The following HMCN2 variants were observed in gnomAD, a reference collection of about 807,000 sequenced individuals.
The protein encoded by HMCN2 is hemicentin-2.
Under a neutral mutation model 377.5 loss-of-function variants are expected in HMCN2, and 325 were observed. The observed-to-expected ratio is 0.86, with a 90% confidence interval of 0.79 to 0.94. The LOEUF (loss-of-function observed/expected upper bound fraction) is 0.94, where lower values mean the gene tolerates loss of function less well. Ranked by LOEUF, HMCN2 falls within the 40% of genes least tolerant of loss-of-function variation. The pLI is 0.00. For synonymous variants in HMCN2, 2,007 were observed against 2,046.8 expected (o/e 0.98, Z 0.53); for missense variants, 4,543 against 4,725.3 (o/e 0.96, Z 1.13).
At position 130,398,547 on chromosome 9, in the gene HMCN2, C is replaced by G; in HGVS notation, c.11327-4C>G. 2 of 1,233,582 alleles carry G rather than the reference C, an allele frequency of 1.6e-6. No homozygotes were observed. Among genetic ancestry groups the G allele is most frequent in the South Asian group, 2.7e-5 (2 of 72,958 alleles). 76.4% of individuals were successfully genotyped at this position (1,233,582 alleles called of 1,614,324 possible). ...CTGTCTCCTGACCACTGTGCTCTCC[C>G]CAGAGCCTCCAGCCATCGCCCCCAG... is the stretch of plus-strand genomic sequence containing the variant. On this transcript the variant is annotated splice_polypyrimidine_tract_variant and splice_region_variant and intron_variant, in intron 74 of 97. Coordinates refer to ENST00000683500, the MANE Select transcript of HMCN2 (RefSeq NM_001291815.2).
At position 130,350,577 on chromosome 9, in the gene HMCN2, A is replaced by G. The variant is rs547611598; in HGVS notation, c.4431-846A>G. On this transcript the variant is annotated intron_variant, in intron 29 of 97. Coordinates refer to ENST00000683500, the MANE Select transcript of HMCN2 (RefSeq NM_001291815.2). ...GTCCAAAAAAAAGTCCACGTAACATACAATTAGCCATTTTAAAGTGTACAG... is the reference window on the plus strand; with the variant it reads ...GTCCAAAAAAAAGTCCACGTAACATGCAATTAGCCATTTTAAAGTGTACAG... Among the ~76,000 whole-genome samples the G allele has an allele frequency of 2.0e-5, 3 of 149,972 alleles. No homozygotes were observed. The East Asian group carries it at 6.1e-4, about 30-fold the overall frequency.
intron 43 of HMCN2, 136 bp downstream of exon 43, chr9:130,366,131 G>A: frequency 3.2e-6 from 2 of 626,822 alleles, no homozygotes; most frequent in Non-Finnish European, 4.0e-6. Flanking sequence ...TGGGGATGCT[G>A]GTTACAGAAG....
At chr9:130,403,988 A>G in intron 80 of HMCN2, 113 bp downstream of exon 80, 1 of 1,005,126 alleles carries the variant, frequency 9.9e-7, no homozygotes, top group Non-Finnish European at 1.3e-6. Context: ...TTCTAGAAGG[A>G]ATTAAGGGGA....
rs1230202880 is a variant in HMCN2 at position 130,304,086 on chromosome 9, C to G, written c.1543+478C>G. ...CGTAAGCGTGGAAAGATCAGCCACT[C>G]TACATAGACAGCCAGAAACTACACA... On this transcript the variant is annotated intron_variant, in intron 10 of 97. Transcript: ENST00000683500. This position sits in a 1 kb window ranked among gnomAD's most constrained non-coding sequence, Gnocchi z 4.3. Among the ~76,000 whole-genome samples the G allele has an allele frequency of 6.6e-6, 1 of 152,206 alleles. No homozygotes were observed. Among genetic ancestry groups the G allele is most frequent in the African/African-American group, 2.4e-5 (1 of 41,448 alleles).
At chr9:130,276,370 C>A (rs1554923128) in intron 1 of HMCN2, among the ~76,000 whole-genome samples, 1 of 131,952 alleles carries the variant, frequency 7.6e-6, no homozygotes, top group Non-Finnish European at 1.6e-5. Flanking sequence ...GACGTTGAAG[C>A]TGAGGTGGAG....
intron 78 of HMCN2, 103 bp from the exon 79 acceptor site, chr9:130,403,091 C>G: frequency 2.6e-6 from 3 of 1,146,434 alleles, no homozygotes; most frequent in Non-Finnish European, 3.4e-6. Context: ...CTAGAACCCC[C>G]GTTCTCCTTA....
chr9:130,424,043 C>T (rs1844172933), intron 87 of HMCN2, among the ~76,000 whole-genome samples: 1 of 151,432 alleles, frequency 6.6e-6, no homozygotes, highest in Non-Finnish European at 1.5e-5. Context: ...GCAAGTGGTG[C>T]AGTCACAGCT....
At chr9:130,312,483 T>TTCTC (rs1307022229) in intron 15 of HMCN2, among the ~76,000 whole-genome samples, 77 of 116,896 alleles carry the variant, frequency 6.6e-4, no homozygotes, top group Middle Eastern at 5.4e-3. Flanking sequence ...TTTCCTTTCT[T>TTCTC]TCTCTCTCTC....
rs1844897809 is a variant in HMCN2, at chr9:130,433,531, C to T, written c.15078C>T (p.Arg5026=). 4 of 1,476,656 alleles carry T rather than the reference C, an allele frequency of 2.7e-6. No individual in the cohort carries two copies. The Admixed American group carries it at 7.6e-5, about 28-fold the overall frequency. 91.5% of individuals were successfully genotyped at this position (1,476,656 alleles called of 1,614,324 possible). A position where few individuals can be genotyped will look rare whatever the true frequency, so the allele number is the denominator to read the frequency against. The part of the protein sequence containing the change: ...TELSMLEPDP[R]SPFALRPLRA... Reference sequence around the variant, plus strand: ...TCAGCATGCTGGAGCCCGACCCCCGCAGCCCCTTCGCGCTGCGTCCGCTGC... The same window carrying T: ...TCAGCATGCTGGAGCCCGACCCCCGTAGCCCCTTCGCGCTGCGTCCGCTGC... Residue 5026 remains arginine (R), a synonymous_variant, in exon 98 of 98, where the codon CGC becomes CGT. Coordinates refer to ENST00000683500, the MANE Select transcript of HMCN2 (RefSeq NM_001291815.2).
In HMCN2 at chr9:130,271,335, G is replaced by T. The variant is rs576203255; in HGVS notation, c.259+5198G>T. ...GGGAGCCATGATCCACGTCCTTGGT[G>T]GGGGAGTATCTATCTACATGGATTA... On this transcript the variant is annotated intron_variant, in intron 1 of 97. Coordinates refer to ENST00000683500, the MANE Select transcript of HMCN2 (RefSeq NM_001291815.2). Among the ~76,000 whole-genome samples the T allele has an allele frequency of 1.1e-4, 17 of 149,010 alleles. 1 individual carries two copies. In the South Asian group the frequency reaches 1.7e-3, roughly 15 times the overall value.
In HMCN2 at chr9:130,422,804, C is replaced by T. The variant is rs993619730; in HGVS notation, c.13381+78C>T. On this transcript the variant is annotated intron_variant, in intron 87 of 97. Coordinates refer to ENST00000683500, the MANE Select transcript of HMCN2 (RefSeq NM_001291815.2). This position sits in a 1 kb window ranked among gnomAD's most constrained non-coding sequence, Gnocchi z 4.2. The stretch of plus-strand genomic sequence containing the variant: ...GAGCATCCTCCAGAACATGCTGGAC[C>T]TAGGAGGCGCAGAGCCTGTGCCCCG... The T allele has an allele frequency of 1.7e-5, 20 of 1,151,812 alleles. No homozygotes were observed. The highest frequency in any genetic ancestry group is 2.2e-5 in the Non-Finnish European group (20 of 908,406). 71.3% of individuals were successfully genotyped at this position (1,151,812 alleles called of 1,614,324 possible). A position where few individuals can be genotyped will look rare whatever the true frequency, so the allele number is the denominator to read the frequency against.
Position 130,389,731 on chromosome 9 carries a change from C to T in HMCN2, c.9523+1191C>T, listed in dbSNP as rs148319469. On this transcript the variant is annotated intron_variant, in intron 62 of 97. Transcript: ENST00000683500. ...CTGGGATTACAGGCTCGCACCACCA[C>T]GCCCAGCTAATGTTTGTATTTTTAG... 7.6e-3 allele frequency among the ~76,000 whole-genome samples: 1,149 copies of T among 152,128 alleles called. 15 individuals are homozygous for T. Among genetic ancestry groups the T allele is most frequent in the African/African-American group, 0.026 (1,076 of 41,468 alleles).
At chr9:130,370,825 C>CAGCT (rs1181859027) in intron 45 of HMCN2, 139 bp from the exon 46 acceptor site, 3 of 393,314 alleles carry the variant, frequency 7.6e-6, no homozygotes, top group South Asian at 1.1e-4. Context: ...TTAGGGGGAG[C>CAGCT]AGCTCTGCTC....
chr9:130,328,246 G>A (rs998104811), intron 22 of HMCN2, among the ~76,000 whole-genome samples: 2 of 152,190 alleles, frequency 1.3e-5, no homozygotes, highest in East Asian at 1.9e-4. Context: ...CCAGGGAGCC[G>A]GCCCTGGGCA....
intron 4 of HMCN2, among the ~76,000 whole-genome samples, chr9:130,293,668 A>G (rs1204878614): frequency 6.6e-6 from 1 of 152,040 alleles, no homozygotes; most frequent in African/African-American, 2.4e-5. Flanking sequence ...TGTCCTACTG[A>G]ACTCACACAG....
intron 85 of HMCN2, among the ~76,000 whole-genome samples, chr9:130,418,543 T>C (rs1003456082): frequency 6.6e-6 from 1 of 151,964 alleles, no homozygotes; most frequent in African/African-American, 2.4e-5. Context: ...TGAGACTCCA[T>C]CTCAAAAAAT....
Position 130,266,335 on chromosome 9 carries a change from C to T in HMCN2, c.259+198C>T, listed in dbSNP as rs868944196. Among the ~76,000 whole-genome samples, 127 of 152,320 alleles carry T rather than the reference C, an allele frequency of 8.3e-4. 1 individual carries two copies. The highest frequency in any genetic ancestry group is 2.9e-3 in the African/African-American group (122 of 41,586). On this transcript the variant is annotated intron_variant, in intron 1 of 97. Coordinates refer to ENST00000683500, the MANE Select transcript of HMCN2 (RefSeq NM_001291815.2). ...TTGCAGCTGTCCCTTCCCTCCCACC[C>T]CCCTGGAACATTCCCTCGCTCAAGG...
intron 31 of HMCN2, among the ~76,000 whole-genome samples, chr9:130,353,837 A>C (rs1839867801): frequency 6.6e-6 from 1 of 152,094 alleles, no homozygotes; most frequent in East Asian, 1.9e-4. Context: ...GTGGCTCTGG[A>C]TGGGTCTGAG....
chr9:130,429,156 T>C (rs1235161045), intron 93 of HMCN2: 2 of 193,642 alleles, frequency 1.0e-5, no homozygotes, highest in Non-Finnish European at 2.1e-5. Context: ...TTTCCTCCTT[T>C]CTCACCACTT....
Sources: allele counts gnomAD v4.1 joint callset (sites outside exome capture counted in the v4.1 genomes callset), GRCh38; gene constraint gnomAD v4.1.1; non-coding constraint Gnocchi (gnomAD v3.1); transcripts MANE v1.5; gene names NCBI Gene and HGNC (gene_info 2026-07-23, HGNC 2026-07-21).